The following GPR143 variants were observed in gnomAD, a reference collection of about 807,000 sequenced individuals.
The protein encoded by GPR143 is G protein-coupled receptor 143, also known as G-protein coupled receptor 143.
In GPR143, 8 loss-of-function variants were observed where a neutral mutation model predicts 27.6. The ratio of observed to expected loss-of-function variants is 0.29; its 90% CI spans 0.17 to 0.52. The LOEUF (loss-of-function observed/expected upper bound fraction) is 0.52. Among genes scored for constraint, GPR143 ranks in the 20% least tolerant of loss-of-function variants. The pLI, the probability that GPR143 is intolerant of heterozygous loss-of-function variation, is 0.96. For missense variants in GPR143, 303 were observed against 343.1 expected (o/e 0.88, Z 0.92); for synonymous variants, 156 against 153.2 (o/e 1.02, Z -0.13).
rs775777255 is a variant in GPR143, at chrX:9,765,219, C to T, written c.250+349G>A. On this transcript the variant is annotated intron_variant, in intron 1 of 8. Coordinates refer to ENST00000467482, the MANE Select transcript of GPR143 (RefSeq NM_000273.3). ...TGCGGGCCATGCGCCCTCACCCGGGCATCGATCCGGTCTCAACCTGCGGGC... is the reference window on the plus strand; with the variant it reads ...TGCGGGCCATGCGCCCTCACCCGGGTATCGATCCGGTCTCAACCTGCGGGC... 1.1e-3 allele frequency among the ~76,000 whole-genome samples: 120 copies of T among 111,467 alleles called. 1 individual carries two copies. The highest frequency in any genetic ancestry group is 1.8e-3 in the Non-Finnish European group (97 of 52,913).
chrX:9,733,004 A>G (rs1295579213), intron 8 of GPR143, among the ~76,000 whole-genome samples: 1 of 111,033 alleles, frequency 9.0e-6, no homozygotes, highest in Non-Finnish European at 1.9e-5. Flanking sequence ...GTGGGAGACA[A>G]AAGGAATTAT....
chrX:9,765,114 A>C (rs1034709460), intron 1 of GPR143, among the ~76,000 whole-genome samples: 1 of 111,725 alleles, frequency 9.0e-6, no homozygotes, highest in Non-Finnish European at 1.9e-5. Flanking sequence ...AAGTGTTAAG[A>C]CGGCCAGCCC....
intron 3 of GPR143, among the ~76,000 whole-genome samples, chrX:9,749,956 G>A (rs779865023): frequency 8.1e-4 from 91 of 111,909 alleles, no homozygotes; most frequent in Non-Finnish European, 1.0e-3. Flanking sequence ...TTGTGGAGAT[G>A]AGGTTATGCC....
chrX:9,766,170 C>T (rs1032413553), upstream of GPR143: 3 of 135,524 alleles, frequency 2.2e-5, no homozygotes, highest in Middle Eastern at 2.9e-3. Context: ...CCACCTAGAG[C>T]GCCAAACCTG....
chrX:9,761,042 A>AGG (rs2083497335), intron 1 of GPR143, among the ~76,000 whole-genome samples: 1 of 111,010 alleles, frequency 9.0e-6, no homozygotes, highest in Non-Finnish European at 1.9e-5. Flanking sequence ...GTGTGCAGAG[A>AGG]GAGAAAAAGA....
At position 9,739,601 on chromosome X, in the gene GPR143, G is replaced by A. The variant is rs1181812779; in HGVS notation, c.1004C>T (p.Ser335Leu). 1.0e-5 allele frequency: 12 copies of A among 1,203,673 alleles called. No homozygotes were observed. Among genetic ancestry groups the A allele is most frequent in the African/African-American group, 3.5e-5 (2 of 57,271 alleles). The change falls in exon 8 of 9, where the codon TCG (serine) becomes TTG (leucine). Residue 335 changes from serine to leucine, a missense_variant. By Grantham distance (145) the Ser-to-Leu change is moderately radical. Transcript: ENST00000467482. Reference protein sequence around the residue: ...KEIQWESLTTSAAEGAHPSPL... With the variant: ...KEIQWESLTTLAAEGAHPSPL... ...GGATGGGTGAGCCCCCTCAGCAGCC[G>A]AGGTGGTCAGTGATTCCCACTGGAT... is the stretch of plus-strand genomic sequence containing the variant.
At chrX:9,761,250 C>T (rs886751499) in intron 1 of GPR143, among the ~76,000 whole-genome samples, 1 of 111,197 alleles carries the variant, frequency 9.0e-6, no homozygotes, top group South Asian at 3.8e-4. Flanking sequence ...CCCACAACCA[C>T]GCCCAGCTAA....
upstream of GPR143, among the ~76,000 whole-genome samples, chrX:9,767,125 T>C (rs1186150873): frequency 5.4e-5 from 6 of 111,302 alleles, no homozygotes; most frequent in Non-Finnish European, 1.1e-4. Flanking sequence ...TCTATACATG[T>C]AAGTTTCCAA....
chrX:9,763,410 C>T (rs912461023), intron 1 of GPR143, among the ~76,000 whole-genome samples: 1 of 111,336 alleles, frequency 9.0e-6, no homozygotes, highest in Non-Finnish European at 1.9e-5. Flanking sequence ...CCTAGAAGTT[C>T]GAGGCTGCAG....
At chrX:9,744,339 C>A (rs1160583212) in intron 5 of GPR143, among the ~76,000 whole-genome samples, 1 of 111,373 alleles carries the variant, frequency 9.0e-6, no homozygotes, top group East Asian at 2.8e-4. Flanking sequence ...CTCAAAATAA[C>A]TAAATAAATA....
At chrX:9,733,050 T>A (rs2083362521) in intron 8 of GPR143, among the ~76,000 whole-genome samples, 1 of 109,122 alleles carries the variant, frequency 9.2e-6, no homozygotes, top group Non-Finnish European at 1.9e-5. Flanking sequence ...CACAAGGCAT[T>A]ATGGAAAATT....
At chrX:9,767,898 GT>G (rs1441049553), upstream of GPR143, among the ~76,000 whole-genome samples, 1 of 112,196 alleles carries the variant, frequency 8.9e-6, no homozygotes, top group Non-Finnish European at 1.9e-5. Flanking sequence ...AATGAAGAGT[GT>G]CTGTACATTT....
chrX:9,761,959 C>T (rs745312993), intron 1 of GPR143, among the ~76,000 whole-genome samples: 3 of 112,042 alleles, frequency 2.7e-5, no homozygotes, highest in East Asian at 2.8e-4. Flanking sequence ...TGGTGGCACG[C>T]GCCTGTGGTC....
At chrX:9,739,767 A>G in intron 7 of GPR143, 48 bp from the exon 8 acceptor site, 2 of 856,650 alleles carry the variant, frequency 2.3e-6, no homozygotes, top group Non-Finnish European at 3.4e-6. Context: ...AGCGTAGCAG[A>G]AGTCAGAGCC....
intron 1 of GPR143, among the ~76,000 whole-genome samples, chrX:9,771,705 C>CTTTTT (rs1288480180): frequency 2.7e-5 from 1 of 37,684 alleles, no homozygotes; most frequent in African/African-American, 8.3e-5. Context: ...ATGGAGCATT[C>CTTTTT]TCTCTCTTTT....
At chrX:9,752,052 A>T (rs1044358641) in intron 3 of GPR143, among the ~76,000 whole-genome samples, 4 of 112,391 alleles carry the variant, frequency 3.6e-5, no homozygotes, top group African/African-American at 1.3e-4. Context: ...TTAATCTAAA[A>T]GATGAGACTA....
chrX:9,738,389 C>A, intron 8 of GPR143: 1 of 742,821 alleles, frequency 1.3e-6, no homozygotes, highest in East Asian at 1.5e-4. Flanking sequence ...GCTGGTGGGT[C>A]CCTCATGCTT....
intron 1 of GPR143, among the ~76,000 whole-genome samples, chrX:9,774,838 T>G (rs754233519): frequency 9.6e-6 from 1 of 104,404 alleles, no homozygotes; most frequent in Non-Finnish European, 2.0e-5. Context: ...ATATTCCACA[T>G]AAGGATTTTT....
intron 3 of GPR143, among the ~76,000 whole-genome samples, chrX:9,758,873 G>A (rs1223279919): frequency 1.8e-5 from 2 of 112,021 alleles, no homozygotes; most frequent in African/African-American, 6.5e-5. Context: ...GGGTGTCAAA[G>A]CGAGACCCTG....
Sources: gnomAD v4.1 joint callset for allele counts (sites outside exome capture counted in the v4.1 genomes callset) on GRCh38, gnomAD v4.1.1 for gene constraint, MANE v1.5 for transcripts, NCBI Gene and HGNC (gene_info 2026-07-23, HGNC 2026-07-21) for gene names.